CALR3: variants seen among roughly 807,000 people sequenced by gnomAD.
CALR3 encodes calreticulin 3.
In CALR3, 39 loss-of-function variants were observed where a neutral mutation model predicts 48.7. The observed-to-expected ratio is 0.80, with a 90% CI of 0.62 to 1.05. The LOEUF is 1.05. Among genes scored for constraint, CALR3 ranks in the 50% least tolerant of loss-of-function variants. The probability of loss-of-function intolerance (pLI) is 0.00; values close to 1 mark genes in which losing one functional copy is unlikely to be tolerated. For missense variants in CALR3, 449 were observed against 474.7 expected, an observed-to-expected ratio of 0.95 and a Z score of 0.50; for synonymous variants, 185 against 172.7, an observed-to-expected ratio of 1.07 and a Z score of -0.56.
intron 3 of CALR3, among the ~76,000 whole-genome samples, chr19:16,487,024 C>T (rs7257549): frequency 0.013 from 1,997 of 151,216 alleles, 45 homozygotes; most frequent in African/African-American, 0.046. Flanking sequence ...TTATTTATTT[C>T]GGACAGGGTC....
Position 16,495,689 on chromosome 19 carries a change from C to T in CALR3, c.193+62G>A, listed in dbSNP as rs1026134844. 28 of 1,309,560 alleles carry T rather than the reference C, an allele frequency of 2.1e-5. No individual in the cohort carries two copies. In the African/African-American group the frequency reaches 3.9e-4, roughly 18 times the overall value. 81.1% of individuals were successfully genotyped at this position (1,309,560 alleles called of 1,614,324 possible). On this transcript the variant is annotated intron_variant, in intron 2 of 8. Transcript: ENST00000269881. ...AAGCGTTTTGGCTGTGCCACAACTA[C>T]CTAGAGAGGTTGCTATGGAAATGTA...
intron 4 of CALR3, among the ~76,000 whole-genome samples, chr19:16,484,855 T>C (rs1431839034): frequency 6.6e-6 from 1 of 152,208 alleles, no homozygotes; most frequent in African/African-American, 2.4e-5. Flanking sequence ...GAATATTTCA[T>C]TCATTAATGA....
In CALR3 at chr19:16,484,116, C is replaced by A. The variant is rs1599718289; in HGVS notation, c.493-1G>T. 2.5e-6 allele frequency: 4 copies of A among 1,612,902 alleles called. No individual in the cohort carries two copies. The highest frequency in any genetic ancestry group is 3.4e-6 in the Non-Finnish European group (4 of 1,179,696). On this transcript the variant is annotated splice_acceptor_variant, in intron 4 of 8. Coordinates refer to ENST00000269881, the MANE Select transcript of CALR3 (RefSeq NM_145046.5). LOFTEE classifies it high-confidence loss of function. ...TGTACAGGTGTGTGAAGCCATCAAC[C>A]TGCATATTTTAGGGGGAAAAGCGTA...
rs1400607937 is a variant in CALR3, at chr19:16,490,416, G to A, written c.348C>T (p.Asp116=). 1.2e-6 allele frequency: 2 copies of A among 1,614,038 alleles called. No individual in the cohort carries two copies. The highest frequency in any genetic ancestry group is 1.7e-6 in the Non-Finnish European group (2 of 1,180,044). ...TTCCATTCAGGTTCTTCTGGTCAAT[G>A]TCTGCAGGAAAGACCTTAATGTAGC... is the stretch of plus-strand genomic sequence containing the variant. ...GGGYIKVFPA[D]IDQKNLNGKS... Residue 116 remains aspartate, a synonymous_variant, in exon 3 of 9, where the codon GAC becomes GAT. Coordinates refer to ENST00000269881, the MANE Select transcript of CALR3 (RefSeq NM_145046.5).
At chr19:16,495,464 CAGG>C (rs939594194) in intron 2 of CALR3, among the ~76,000 whole-genome samples, 1 of 146,108 alleles carries the variant, frequency 6.8e-6, no homozygotes, top group African/African-American at 2.5e-5. Context: ...GAGGCTGAGG[CAGG>C]AGAATTGCTT....
At chr19:16,485,830 TG>T (rs1386074543) in intron 3 of CALR3, among the ~76,000 whole-genome samples, 1 of 99,346 alleles carries the variant, frequency 1.0e-5, no homozygotes, top group African/African-American at 3.8e-5. Flanking sequence ...AGCTAATTTT[TG>T]TGTTTTTAGT....
intron 2 of CALR3, among the ~76,000 whole-genome samples, chr19:16,493,144 G>A (rs1178936713): frequency 6.6e-6 from 1 of 152,144 alleles, no homozygotes; most frequent in Non-Finnish European, 1.5e-5. Flanking sequence ...CTTCCTCATT[G>A]TTCTTGTTTG....
intron 3 of CALR3, among the ~76,000 whole-genome samples, chr19:16,488,230 T>C (rs2093392208): frequency 6.6e-6 from 1 of 152,170 alleles, no homozygotes; most frequent in African/African-American, 2.4e-5. Flanking sequence ...ATAACAGGCG[T>C]GAGCCACCGC....
intron 5 of CALR3, among the ~76,000 whole-genome samples, chr19:16,483,064 C>G (rs182933028): frequency 1.3e-5 from 2 of 152,060 alleles, no homozygotes; most frequent in Non-Finnish European, 2.9e-5. Context: ...AGGCTGGTCT[C>G]GAACTCCTGG....
At chr19:16,492,618 C>T (rs2093399780) in intron 2 of CALR3, among the ~76,000 whole-genome samples, 1 of 151,958 alleles carries the variant, frequency 6.6e-6, no homozygotes, top group Non-Finnish European at 1.5e-5. Context: ...GTAATCCCAG[C>T]ACTTTGGGAG....
chr19:16,486,619 C>CA (rs59111886), intron 3 of CALR3, among the ~76,000 whole-genome samples: 20,184 of 123,362 alleles, frequency 0.16, 1,507 homozygotes, highest in African/African-American at 0.18. Flanking sequence ...GATTCTATCT[C>CA]AAAAAAAAAA....
At chr19:16,484,177 T>TC in intron 4 of CALR3, 62 bp from the exon 5 acceptor site, 2 of 1,396,382 alleles carry the variant, frequency 1.4e-6, no homozygotes, top group East Asian at 2.4e-5. Flanking sequence ...TCTTTTCTTT[T>TC]CTTTTTTTTT....
rs201899999 is a variant in CALR3, at chr19:16,482,628, G to A, written c.787-47C>T. 9.2e-4 allele frequency: 1,490 copies of A among 1,614,000 alleles called. 23 individuals are homozygous for A. In the South Asian group the frequency reaches 0.015, roughly 16 times the overall value. ...GGGTGGTCTCAATGACATGGGCAGCGGAGGGGCAGCCCTGGGGCATCCCTG... is the reference window on the plus strand; with the variant it reads ...GGGTGGTCTCAATGACATGGGCAGCAGAGGGGCAGCCCTGGGGCATCCCTG... On this transcript the variant is annotated intron_variant, in intron 6 of 8. Transcript: ENST00000269881.
At chr19:16,485,100 A>AT (rs2093387220) in intron 4 of CALR3, 63 bp downstream of exon 4, 3 of 1,134,796 alleles carry the variant, frequency 2.6e-6, no homozygotes, top group Admixed American at 1.8e-5. Context: ...TATCAAAACT[A>AT]TTTTTTCTAA....
chr19:16,496,094 G>A lies in CALR3; in HGVS notation c.36C>T (p.Cys12=). ...CGGTAGCCAGCGCCACTCGCAGCATGCATATGGCCCAGAGCTGGACCAAAG... is the reference window on the plus strand; with the variant it reads ...CGGTAGCCAGCGCCACTCGCAGCATACATATGGCCCAGAGCTGGACCAAAG... ...ARALVQLWAI[C]MLRVALATVY... Residue 12 remains cysteine (C), a synonymous_variant, in exon 1 of 9, where the codon TGC becomes TGT. Coordinates refer to ENST00000269881, the MANE Select transcript of CALR3 (RefSeq NM_145046.5). 2 of 1,607,180 alleles carry A rather than the reference G, an allele frequency of 1.2e-6. No homozygotes were observed. Among genetic ancestry groups the A allele is most frequent in the Non-Finnish European group, 1.7e-6 (2 of 1,176,974 alleles).
intron 7 of CALR3, 135 bp downstream of exon 7, chr19:16,482,315 G>A: frequency 7.8e-7 from 1 of 1,276,220 alleles, no homozygotes; most frequent in Non-Finnish European, 1.1e-6. Flanking sequence ...CTAGTTTGAG[G>A]CTACAGTGAG....
chr19:16,490,565 G>A lies in CALR3; in HGVS notation c.199C>T (p.Gln67Ter), dbSNP rs775385558. ...TAGAATCGGCCATTCTGAGTGGTTT[G>A]CAGACCTTTGAACAAAATATACTCA... ...YGHKEKDKGL[Q>*]TTQNGRFYAI... Residue 67 changes from glutamine to a stop codon, truncating the protein, a stop_gained, in exon 3 of 9, where the codon CAA becomes TAA. Transcript: ENST00000269881. LOFTEE classifies it high-confidence loss of function. The A allele has an allele frequency of 1.9e-6, 3 of 1,614,062 alleles. No individual in the cohort carries two copies. Among genetic ancestry groups the A allele is most frequent in the Non-Finnish European group, 2.5e-6 (3 of 1,179,970 alleles).
At chr19:16,491,878 T>C (rs1473387261) in intron 2 of CALR3, among the ~76,000 whole-genome samples, 1 of 151,844 alleles carries the variant, frequency 6.6e-6, no homozygotes, top group East Asian at 2.0e-4. Context: ...AGGCTCGCTC[T>C]ATTGCCCAGA....
At position 16,485,407 on chromosome 19, in the gene CALR3, C is replaced by T. The variant is rs562229182; in HGVS notation, c.398-150G>A. The T allele has an allele frequency of 3.9e-4, 244 of 624,764 alleles. No homozygotes were observed. The African/African-American group carries it at 4.1e-3, about 10-fold the overall frequency. 38.7% of individuals were successfully genotyped at this position (624,764 alleles called of 1,614,324 possible). On this transcript the variant is annotated intron_variant, in intron 3 of 8. Coordinates refer to ENST00000269881, the MANE Select transcript of CALR3 (RefSeq NM_145046.5). ...TGATCTTGGCTCACGGAAACTTCTG[C>T]CTCTTGGGTTCAAGCAATTCTCCTG... is the stretch of plus-strand genomic sequence containing the variant.
Sources: allele counts gnomAD v4.1 joint callset (sites outside exome capture counted in the v4.1 genomes callset), GRCh38; gene constraint gnomAD v4.1.1; transcripts MANE v1.5; gene names NCBI Gene and HGNC (gene_info 2026-07-23, HGNC 2026-07-21).